Variants in FHAD1 observed in about 807,000 individuals in gnomAD.
FHAD1 encodes the protein forkhead associated phosphopeptide binding domain 1.
Under a neutral mutation model 191.3 loss-of-function variants are expected in FHAD1, and 146 were observed. That is an observed-to-expected ratio of 0.76 (90% CI 0.67 to 0.88). The LOEUF (loss-of-function observed/expected upper bound fraction) is 0.88. Ranked by LOEUF, FHAD1 falls within the 40% of genes least tolerant of loss-of-function variation. FHAD1 has a pLI of 0.00. For synonymous variants in FHAD1, 616 were observed against 672.3 expected (o/e 0.92, Z 1.29); for missense variants, 1,635 against 1,785.8 (o/e 0.92, Z 1.52).
Position 15,272,532 on chromosome 1 carries a change from G to A in FHAD1, c.300+3G>A, listed in dbSNP as rs185146952. The A allele has an allele frequency of 5.1e-4, 781 of 1,542,880 alleles. 4 individuals are homozygous for A. The African/African-American group carries it at 9.5e-3, about 19-fold the overall frequency. On this transcript the variant is annotated splice_donor_region_variant and intron_variant, in intron 3 of 33. Coordinates refer to ENST00000688493, the MANE Select transcript of FHAD1 (RefSeq NM_001391957.1). ...TGGTCATTGAAAATCCACCTCCGGT[G>A]AGTCCGGGCCACTGGGGGATAGAGG...
At chr1:15,389,727 C>T (rs1348583305) in intron 32 of FHAD1, among the ~76,000 whole-genome samples, 2 of 152,136 alleles carry the variant, frequency 1.3e-5, no homozygotes, top group South Asian at 4.2e-4. Flanking sequence ...TCACTGTCCC[C>T]GTGGGTCTGG....
intron 31 of FHAD1, chr1:15,383,389 A>C: frequency 2.5e-6 from 1 of 394,278 alleles, no homozygotes. Context: ...TGACCCATGC[A>C]GGTGGTCTCC....
intron 6 of FHAD1, among the ~76,000 whole-genome samples, chr1:15,306,501 T>A (rs189961471): frequency 1.3e-5 from 2 of 152,302 alleles, no homozygotes; most frequent in East Asian, 3.9e-4. Context: ...GTCAGAGACC[T>A]TCACAGCAGC....
chr1:15,341,684 TTTAG>T, intron 15 of FHAD1, 48 bp from the exon 16 acceptor site: 3 of 1,445,074 alleles, frequency 2.1e-6, no homozygotes, highest in Non-Finnish European at 2.8e-6. Context: ...GGAAAGACTC[TTTAG>T]TTAGGCCTGT....
intron 19 of FHAD1, 55 bp from the exon 20 acceptor site, chr1:15,352,822 A>T (rs2102490419): frequency 1.5e-6 from 2 of 1,315,296 alleles, no homozygotes; most frequent in East Asian, 5.0e-5. Context: ...TTCCCTTTCC[A>T]GTGTCATTTC....
chr1:15,237,272 G>A (rs528823818), intron 1 of FHAD1, among the ~76,000 whole-genome samples: 1 of 152,274 alleles, frequency 6.6e-6, no homozygotes, highest in Admixed American at 6.5e-5. Flanking sequence ...GAAACATGGA[G>A]GCTGACTGTG....
intron 7 of FHAD1, among the ~76,000 whole-genome samples, chr1:15,310,982 C>G (rs568502236): frequency 6.6e-6 from 1 of 152,276 alleles, no homozygotes; most frequent in South Asian, 2.1e-4. Flanking sequence ...CAAACAAAAA[C>G]CAAACAAACA....
At chr1:15,367,358 T>G in intron 24 of FHAD1, 105 bp from the exon 25 acceptor site, 1 of 1,280,664 alleles carries the variant, frequency 7.8e-7, no homozygotes, top group South Asian at 1.5e-5. Context: ...TAGCCAGTCG[T>G]GGTGGCGCAT....
intron 18 of FHAD1, among the ~76,000 whole-genome samples, chr1:15,348,029 T>A (rs1379168672): frequency 2.0e-5 from 3 of 152,264 alleles, no homozygotes; most frequent in South Asian, 4.1e-4. Context: ...CCTAAGTCCC[T>A]AGGAAGTGCC....
intron 10 of FHAD1, among the ~76,000 whole-genome samples, chr1:15,323,942 C>A (rs1428323679): frequency 1.3e-5 from 2 of 152,170 alleles, no homozygotes; most frequent in East Asian, 3.8e-4. Context: ...TAACATTTAC[C>A]AAGTGCCCAC....
chr1:15,263,290 A>G (rs1386269051), intron 2 of FHAD1, among the ~76,000 whole-genome samples: 2 of 152,034 alleles, frequency 1.3e-5, no homozygotes, highest in Non-Finnish European at 2.9e-5. Flanking sequence ...TTTGATATAT[A>G]GAAGTTTTAA....
At position 15,319,081 on chromosome 1, in the gene FHAD1, C is replaced by G. The variant is rs1448852620; in HGVS notation, c.1365+1153C>G. ...CTGGCCTCAAGCAGTCCTCCTGCCT[C>G]AGCCTCCCAAAGTGCTGGGATTACA... On this transcript the variant is annotated intron_variant, in intron 10 of 33. Transcript: ENST00000688493. Among the ~76,000 whole-genome samples, 4 of 152,230 alleles carry G rather than the reference C, an allele frequency of 2.6e-5. No individual in the cohort carries two copies. In the East Asian group the frequency reaches 7.7e-4, roughly 29 times the overall value.
rs182396389 is a variant in FHAD1 at position 15,376,339 on chromosome 1, C to G, written c.3705+609C>G. On this transcript the variant is annotated intron_variant, in intron 28 of 33. Coordinates refer to ENST00000688493, the MANE Select transcript of FHAD1 (RefSeq NM_001391957.1). Reference sequence around the variant, plus strand: ...TCTCCTGACCTCATGATCCGCCCGCCTCGGCCTCCCAAAGTGCTGGGATGA... The same window carrying G: ...TCTCCTGACCTCATGATCCGCCCGCGTCGGCCTCCCAAAGTGCTGGGATGA... Among the ~76,000 whole-genome samples the G allele has an allele frequency of 2.9e-3, 446 of 152,302 alleles. 1 individual carries two copies. Among genetic ancestry groups the G allele is most frequent in the African/African-American group, 0.01 (431 of 41,570 alleles).
At chr1:15,236,965 C>T (rs934976686) in intron 1 of FHAD1, among the ~76,000 whole-genome samples, 8 of 152,128 alleles carry the variant, frequency 5.3e-5, no homozygotes, top group Admixed American at 4.6e-4. Context: ...TTCTTGGAGA[C>T]GTGATGGTTT....
intron 32 of FHAD1, 24 bp from the exon 33 acceptor site, chr1:15,391,186 G>C (rs746448041): frequency 8.0e-7 from 1 of 1,244,732 alleles, no homozygotes; most frequent in South Asian, 1.3e-5. Flanking sequence ...GCTAGATTTT[G>C]TTCTTATTCT....
chr1:15,272,519 A>G lies in FHAD1; in HGVS notation c.290A>G (p.Asn97Ser), dbSNP rs1656511000. The change falls in exon 3 of 34, where the codon AAT becomes AGT. Residue 97 changes from asparagine (N) to serine (S), a missense_variant. Coordinates refer to ENST00000688493, the MANE Select transcript of FHAD1 (RefSeq NM_001391957.1). ...CTGACCTATGAACTGGTCATTGAAA[A>G]TCCACCTCCGGTGAGTCCGGGCCAC... ...AGLTYELVIE[N>S]PPPVSFPWMR... 6.5e-7 allele frequency: 1 copy of G among 1,544,908 alleles called. No homozygotes were observed. Among genetic ancestry groups the G allele is most frequent in the Admixed American group, 2.0e-5 (1 of 50,920 alleles).
intron 3 of FHAD1, among the ~76,000 whole-genome samples, chr1:15,286,719 G>T (rs1485252489): frequency 2.6e-5 from 4 of 152,178 alleles, no homozygotes; most frequent in Admixed American, 2.0e-4. Context: ...ACAACAATTG[G>T]CCGAGAGAGG....
intron 2 of FHAD1, among the ~76,000 whole-genome samples, chr1:15,263,942 T>C (rs1476915688): frequency 6.6e-6 from 1 of 152,242 alleles, no homozygotes; most frequent in Non-Finnish European, 1.5e-5. Context: ...TTTGACCATA[T>C]ATGCAAAGGT....
intron 21 of FHAD1, 75 bp from the exon 22 acceptor site, chr1:15,360,403 G>A (rs774008062): frequency 3.3e-4 from 433 of 1,324,118 alleles, no homozygotes; most frequent in Non-Finnish European, 4.1e-4. Flanking sequence ...ACCTATGTGT[G>A]TGCCCAGGGG....
Sources: allele counts gnomAD v4.1 joint callset (sites outside exome capture counted in the v4.1 genomes callset), GRCh38; gene constraint gnomAD v4.1.1; transcripts MANE v1.5; gene names NCBI Gene and HGNC (gene_info 2026-07-23, HGNC 2026-07-21).